Variants in TRPC6 observed in about 807,000 individuals in gnomAD.
The protein encoded by TRPC6 is transient receptor potential cation channel subfamily C member 6, also known as short transient receptor potential channel 6.
Under a neutral mutation model 90.7 loss-of-function variants are expected in TRPC6, and 55 were observed. The ratio of observed to expected loss-of-function variants is 0.61; its 90% CI spans 0.49 to 0.76. The LOEUF is 0.76. Ranked by LOEUF, TRPC6 falls within the 30% of genes least tolerant of loss-of-function variation. The pLI, the probability that TRPC6 is intolerant of heterozygous loss-of-function variation, is 0.00. For missense variants in TRPC6, 989 were observed against 1,122.7 expected (o/e 0.88, Z 1.70); for synonymous variants, 393 against 393.0 (o/e 1.00, Z 0.00).
intron 1 of TRPC6, among the ~76,000 whole-genome samples, chr11:101,505,725 G>T (rs901157640): frequency 6.6e-6 from 1 of 152,152 alleles, no homozygotes; most frequent in Non-Finnish European, 1.5e-5. Context: ...TGATAAGAAG[G>T]GAAAGTGAGC....
At chr11:101,532,627 G>A (rs1294177276) in intron 1 of TRPC6, among the ~76,000 whole-genome samples, 1 of 152,160 alleles carries the variant, frequency 6.6e-6, no homozygotes. Context: ...CTCCTGTAAA[G>A]AGAAGAGGTC....
intron 1 of TRPC6, among the ~76,000 whole-genome samples, chr11:101,575,779 C>G (rs1002940057): frequency 6.6e-6 from 1 of 152,142 alleles, no homozygotes; most frequent in Non-Finnish European, 1.5e-5. Flanking sequence ...CTTATTACTG[C>G]TATTTATGCC....
intron 1 of TRPC6, among the ~76,000 whole-genome samples, chr11:101,515,965 T>C (rs6590879): frequency 0.49 from 74,325 of 151,846 alleles, 18,539 homozygotes; most frequent in African/African-American, 0.55. Flanking sequence ...TTTTATTTAA[T>C]TTTCACGGCA....
intron 5 of TRPC6, among the ~76,000 whole-genome samples, chr11:101,482,568 G>C (rs138548771): frequency 6.6e-6 from 1 of 152,168 alleles, no homozygotes; most frequent in Non-Finnish European, 1.5e-5. Context: ...CTCAATAAAT[G>C]CAAGTGGCTG....
At chr11:101,564,675 A>G (rs928191357) in intron 1 of TRPC6, among the ~76,000 whole-genome samples, 4 of 152,308 alleles carry the variant, frequency 2.6e-5, no homozygotes, top group East Asian at 3.8e-4. Flanking sequence ...ATTCAAAACA[A>G]TATCAAAATT....
intron 1 of TRPC6, among the ~76,000 whole-genome samples, chr11:101,575,207 G>A (rs1373649611): frequency 3.9e-5 from 6 of 152,130 alleles, no homozygotes; most frequent in Non-Finnish European, 7.4e-5. Flanking sequence ...CCACATGATG[G>A]CAATGAAAAG....
At chr11:101,485,642 T>C (rs556310822) in intron 4 of TRPC6, among the ~76,000 whole-genome samples, 1 of 152,238 alleles carries the variant, frequency 6.6e-6, no homozygotes, top group Admixed American at 6.5e-5. Context: ...AGGCAATGAC[T>C]GTTAGTGAAA....
intron 1 of TRPC6, among the ~76,000 whole-genome samples, chr11:101,548,369 A>C (rs1415340304): frequency 8.4e-6 from 1 of 119,258 alleles, no homozygotes; most frequent in Admixed American, 9.8e-5. Context: ...ATATCTTATA[A>C]TTATAATATA....
chr11:101,505,392 T>C (rs1041706452), intron 1 of TRPC6, among the ~76,000 whole-genome samples: 1 of 152,148 alleles, frequency 6.6e-6, no homozygotes, highest in African/African-American at 2.4e-5. Context: ...ATGATAAGCC[T>C]ATAATGGGGC....
At chr11:101,536,415 AAAAG>A (rs1861049331) in intron 1 of TRPC6, among the ~76,000 whole-genome samples, 1 of 150,854 alleles carries the variant, frequency 6.6e-6, no homozygotes, top group African/African-American at 2.4e-5. Flanking sequence ...CCACCAAAAA[AAAAG>A]AAAGAAAAGA....
In TRPC6 at chr11:101,476,196, CACAA is replaced by C. The variant is rs368948732; in HGVS notation, c.1744+101_1744+104del. 1.6e-4 allele frequency: 149 copies of C among 954,304 alleles called. 1 individual carries two copies. The highest frequency in any genetic ancestry group is 1.3e-3 in the East Asian group (51 of 38,358). 59.1% of individuals were successfully genotyped at this position (954,304 alleles called of 1,614,324 possible). ...TCTTCAGATACAGATGTTGGAAACT[CACAA>C]ACAATTTTATGAGAATTGTGCAGTA... On this transcript the variant is annotated intron_variant, in intron 6 of 12. Coordinates refer to ENST00000344327, the MANE Select transcript of TRPC6 (RefSeq NM_004621.6).
At chr11:101,545,538 G>T (rs914823426) in intron 1 of TRPC6, among the ~76,000 whole-genome samples, 1 of 152,106 alleles carries the variant, frequency 6.6e-6, no homozygotes, top group Non-Finnish European at 1.5e-5. Context: ...AGCTAGTTTT[G>T]TAATCCATAA....
At chr11:101,489,673 A>G (rs1057345361) in intron 3 of TRPC6, among the ~76,000 whole-genome samples, 4 of 151,488 alleles carry the variant, frequency 2.6e-5, no homozygotes, top group African/African-American at 9.7e-5. Context: ...GTTTTCATGT[A>G]TTTATTTTTA....
At chr11:101,522,999 A>C (rs1376031306) in intron 1 of TRPC6, among the ~76,000 whole-genome samples, 1 of 152,228 alleles carries the variant, frequency 6.6e-6, no homozygotes, top group Non-Finnish European at 1.5e-5. Flanking sequence ...ATTATAGTAT[A>C]TTGTGGACTA....
chr11:101,527,774 G>A (rs943865539), intron 1 of TRPC6, among the ~76,000 whole-genome samples: 1 of 152,064 alleles, frequency 6.6e-6, no homozygotes, highest in Non-Finnish European at 1.5e-5. Flanking sequence ...ATGTGATGGA[G>A]TGTAAAATAT....
chr11:101,469,769 G>A (rs757298938), intron 9 of TRPC6, among the ~76,000 whole-genome samples: 2 of 152,118 alleles, frequency 1.3e-5, no homozygotes, highest in Non-Finnish European at 2.9e-5. Context: ...AATCCACTGA[G>A]TTCTGTAAGT....
At chr11:101,495,267 T>C (rs554308934) in intron 2 of TRPC6, among the ~76,000 whole-genome samples, 18 of 152,330 alleles carry the variant, frequency 1.2e-4, no homozygotes, top group Middle Eastern at 3.4e-3. Context: ...GGATTTTAAA[T>C]AATAGATGTT....
At chr11:101,556,772 G>C (rs1176228173) in intron 1 of TRPC6, among the ~76,000 whole-genome samples, 1 of 152,062 alleles carries the variant, frequency 6.6e-6, no homozygotes, top group African/African-American at 2.4e-5. Flanking sequence ...CTATAGGCCA[G>C]TACCCTCAAT....
intron 1 of TRPC6, among the ~76,000 whole-genome samples, chr11:101,558,998 C>T (rs1861651028): frequency 6.6e-6 from 1 of 151,830 alleles, no homozygotes; most frequent in Admixed American, 6.6e-5. Context: ...GTGCAGACAA[C>T]AAAAGCAAAA....
Sources: allele counts gnomAD v4.1 joint callset (sites outside exome capture counted in the v4.1 genomes callset), GRCh38; gene constraint gnomAD v4.1.1; transcripts MANE v1.5; gene names NCBI Gene and HGNC (gene_info 2026-07-23, HGNC 2026-07-21).